Variants in FBXL2 observed in about 807,000 individuals in gnomAD.
FBXL2 encodes the protein F-box and leucine rich repeat protein 2, also known as F-box/LRR-repeat protein 2.
In FBXL2, 38 loss-of-function variants were observed where a neutral mutation model predicts 69.2. The observed-to-expected ratio is 0.55, with a 90% CI of 0.42 to 0.72. The LOEUF is 0.72. FBXL2 is among the 30% of genes least tolerant of loss of function. The probability of loss-of-function intolerance (pLI) is 0.00; values close to 1 mark genes in which losing one functional copy is unlikely to be tolerated. For missense variants in FBXL2, 354 were observed against 520.3 expected (o/e 0.68, Z 3.11); for synonymous variants, 192 against 201.3 (o/e 0.95, Z 0.39).
chr3:33,412,228 C>G, the FBXL2 span, among the ~76,000 whole-genome samples: 2 of 147,934 alleles, frequency 1.4e-5, no homozygotes, highest in East Asian at 4.0e-4. Context: ...TACAATTAAA[C>G]GGTTTCAAAA....
intron 2 of FBXL2, among the ~76,000 whole-genome samples, chr3:33,342,893 G>GT (rs60623868): frequency 0.023 from 2,281 of 99,208 alleles, 82 homozygotes; most frequent in African/African-American, 0.065. Flanking sequence ...ACGCCCAGCT[G>GT]TTTTTTTTTT....
chr3:33,314,401 ATAAG>A (rs1424776894), intron 2 of FBXL2, among the ~76,000 whole-genome samples: 2 of 152,192 alleles, frequency 1.3e-5, no homozygotes, highest in Non-Finnish European at 2.9e-5. Flanking sequence ...CATGCCACGT[ATAAG>A]TGAGATCATA....
At chr3:33,412,124 T>A in the FBXL2 span, among the ~76,000 whole-genome samples, 1 of 149,464 alleles carries the variant, frequency 6.7e-6, no homozygotes, top group Non-Finnish European at 1.5e-5. Flanking sequence ...GAGGCGGAGG[T>A]TGCAGTGAGC....
rs114866019 is a variant in FBXL2, at chr3:33,393,184, C to T, written n.1214+7456C>T. ...GGTTATAAGTTCTTCCAAAGTGATT[C>T]CCAACTCTCTGAAAATGATTCTCAT... On this transcript the variant is annotated intron_variant and non_coding_transcript_variant, in intron 12 of 12. Coordinates refer to the FBXL2 transcript ENST00000463736. The T allele has an allele frequency of 2.9e-3, 2,953 of 1,032,740 alleles. 63 individuals are homozygous for T. The African/African-American group carries it at 0.045, about 16-fold the overall frequency. 64.0% of individuals were successfully genotyped at this position (1,032,740 alleles called of 1,614,324 possible).
intron 5 of FBXL2, among the ~76,000 whole-genome samples, chr3:33,368,411 G>T (rs1419224381): frequency 6.6e-6 from 1 of 152,082 alleles, no homozygotes; most frequent in East Asian, 1.9e-4. Flanking sequence ...GAATTGCTAT[G>T]TCTTTTTCAT....
chr3:33,311,036 C>A (rs1192472129), intron 2 of FBXL2, among the ~76,000 whole-genome samples: 1 of 152,146 alleles, frequency 6.6e-6, no homozygotes, highest in Non-Finnish European at 1.5e-5. Flanking sequence ...CTCGGCCTCC[C>A]AAAGTGTTGG....
rs754755158 is a variant in FBXL2, at chr3:33,378,120, G to A, written c.867G>A (p.Glu289=). 1.7e-5 allele frequency: 27 copies of A among 1,614,094 alleles called. No individual in the cohort carries two copies. Among genetic ancestry groups the A allele is most frequent in the Admixed American group, 3.3e-5 (2 of 60,006 alleles). Residue 289 remains glutamate (E), a synonymous_variant, in exon 12 of 15, where the codon GAG becomes GAA. Transcript: ENST00000484457. ...TCTTCCAGAATTGCCACGAATTGGA[G>A]AAGATGGATCTTGAAGAATGCATCC... ...TLLARNCHEL[E]KMDLEECILI...
intron 1 of FBXL2, among the ~76,000 whole-genome samples, chr3:33,290,769 A>G (rs966630277): frequency 3.9e-5 from 6 of 152,194 alleles, no homozygotes; most frequent in Middle Eastern, 3.2e-3. Context: ...GAGCAGGGAC[A>G]GAAGTCTGAA....
At chr3:33,292,805 A>T (rs1487802219) in intron 1 of FBXL2, among the ~76,000 whole-genome samples, 4 of 123,540 alleles carry the variant, frequency 3.2e-5, no homozygotes, top group African/African-American at 1.3e-4. Context: ...TTGTTAGATC[A>T]ATCAAAAGAC....
the FBXL2 span, among the ~76,000 whole-genome samples, chr3:33,417,874 T>C: frequency 1.3e-5 from 2 of 152,042 alleles, no homozygotes; most frequent in Non-Finnish European, 2.9e-5. Context: ...GATTATAGGG[T>C]CAAAATTCAA....
rs2038416961 is a variant in FBXL2, at chr3:33,323,558, T to C, written c.65+25833T>C. ...CTCACTTACGAGTGAGAACAGGCGGTGTTTGGTTTTCTGTTCCTGTGTTAG... is the reference window on the plus strand; with the variant it reads ...CTCACTTACGAGTGAGAACAGGCGGCGTTTGGTTTTCTGTTCCTGTGTTAG... On this transcript the variant is annotated intron_variant, in intron 2 of 14. Transcript: ENST00000484457. 3.3e-5 allele frequency among the ~76,000 whole-genome samples: 5 copies of C among 152,042 alleles called. No homozygotes were observed. In the South Asian group the frequency reaches 1.0e-3, roughly 32 times the overall value.
At chr3:33,379,688 AAAAC>A (rs1325556647) in intron 13 of FBXL2, among the ~76,000 whole-genome samples, 2 of 151,808 alleles carry the variant, frequency 1.3e-5, no homozygotes, top group African/African-American at 4.8e-5. Context: ...TACCAAAAAA[AAAAC>A]AAAAACAAAA....
At chr3:33,343,878 T>C (rs996192413) in intron 2 of FBXL2, among the ~76,000 whole-genome samples, 1 of 152,116 alleles carries the variant, frequency 6.6e-6, no homozygotes, top group Non-Finnish European at 1.5e-5. Flanking sequence ...CTATTACTTT[T>C]GTTACATAGT....
rs545113293 is a variant in FBXL2 at position 33,329,032 on chromosome 3, A to G, written c.66-29935A>G. Among the ~76,000 whole-genome samples the G allele has an allele frequency of 1.5e-4, 23 of 152,308 alleles. No individual in the cohort carries two copies. In the South Asian group the frequency reaches 4.8e-3, roughly 32 times the overall value. ...TATAAGGAACTCAAAACAATTCAGT[A>G]GCAAAACAAACAAAACAAAACAAAC... On this transcript the variant is annotated intron_variant, in intron 2 of 14. Transcript: ENST00000484457.
At chr3:33,330,911 ACAAACAC>A (rs2039102343) in intron 2 of FBXL2, among the ~76,000 whole-genome samples, 1 of 148,062 alleles carries the variant, frequency 6.8e-6, no homozygotes, top group Non-Finnish European at 1.5e-5. Context: ...ACACACACAC[ACAAACAC>A]ACACACACAC....
downstream of FBXL2, chr3:33,388,299 A>G (rs558599619): frequency 6.5e-6 from 1 of 152,704 alleles, no homozygotes; most frequent in Admixed American, 6.5e-5. Context: ...ACACGAAGTG[A>G]CAGTAGCAGG....
chr3:33,285,798 C>T (rs1236173292), intron 1 of FBXL2, among the ~76,000 whole-genome samples: 3 of 152,176 alleles, frequency 2.0e-5, no homozygotes, highest in Admixed American at 1.3e-4. Context: ...GATCTTCCAT[C>T]ACTGATACCC....
downstream of FBXL2, chr3:33,390,244 C>G (rs146810352): frequency 7.4e-7 from 1 of 1,355,246 alleles, no homozygotes; most frequent in East Asian, 2.3e-5. Flanking sequence ...ATGGTAAAAT[C>G]CAATCCCAAG....
At chr3:33,396,937 G>C in intron 12 of FBXL2, 1 of 970,226 alleles carries the variant, frequency 1.0e-6, no homozygotes, top group South Asian at 1.3e-5. Context: ...GCTCGATGGC[G>C]CACACAGGCA....
Sources: allele counts gnomAD v4.1 joint callset (sites outside exome capture counted in the v4.1 genomes callset), GRCh38; gene constraint gnomAD v4.1.1; transcripts MANE v1.5; gene names NCBI Gene and HGNC (gene_info 2026-07-23, HGNC 2026-07-21).